The following CHRM3 variants were observed in gnomAD, a reference collection of about 807,000 sequenced individuals.
CHRM3 encodes the protein muscarinic acetylcholine receptor M3.
In CHRM3, 11 loss-of-function variants were observed where a neutral mutation model predicts 41.8. The ratio of observed to expected loss-of-function variants is 0.26; its 90% CI spans 0.17 to 0.44. The LOEUF (loss-of-function observed/expected upper bound fraction) is 0.44, where lower values mean the gene tolerates loss of function less well. Ranked by LOEUF, CHRM3 falls within the 20% of genes least tolerant of loss-of-function variation. The pLI, the probability that CHRM3 is intolerant of heterozygous loss-of-function variation, is 1.00. For synonymous variants in CHRM3, 297 were observed against 301.4 expected, an observed-to-expected ratio of 0.99 and a Z score of 0.15; for missense variants, 571 against 745.4, an observed-to-expected ratio of 0.77 and a Z score of 2.72.
intron 4 of CHRM3, among the ~76,000 whole-genome samples, chr1:239,637,511 CAA>C (rs1405450447): frequency 7.7e-6 from 1 of 130,426 alleles, no homozygotes. Flanking sequence ...TTCCTTTCAT[CAA>C]AGTCTTTTTT....
At chr1:239,479,422 C>T (rs975363239) in intron 1 of CHRM3, among the ~76,000 whole-genome samples, 1 of 152,140 alleles carries the variant, frequency 6.6e-6, no homozygotes, top group Admixed American at 6.5e-5. Flanking sequence ...AGAAGGACGG[C>T]TAACTTTACA....
intron 5 of CHRM3, among the ~76,000 whole-genome samples, chr1:239,742,025 C>G (rs1664899042): frequency 1.3e-5 from 2 of 152,070 alleles, no homozygotes; most frequent in Non-Finnish European, 1.5e-5. Context: ...TTGTGGTGAC[C>G]AAAGCCTTTT....
chr1:239,595,109 CA>C lies in CHRM3; in HGVS notation c.-312-37112del, dbSNP rs965512387. On this transcript the variant is annotated intron_variant, in intron 3 of 6. Coordinates refer to ENST00000676153, the MANE Select transcript of CHRM3 (RefSeq NM_001375978.1). Reference sequence around the variant, plus strand: ...TGTCTCAAAAAGAAAAACAAACAAACAAACAACAAAACGATTGTGTCTGTAC... The same window carrying C: ...TGTCTCAAAAAGAAAAACAAACAAACAACAACAAAACGATTGTGTCTGTAC... 2.1e-4 allele frequency among the ~76,000 whole-genome samples: 32 copies of C among 152,212 alleles called. No homozygotes were observed. In the South Asian group the frequency reaches 5.0e-3, roughly 24 times the overall value.
At chr1:239,816,509 G>A (rs183523913) in intron 5 of CHRM3, among the ~76,000 whole-genome samples, 2 of 152,178 alleles carry the variant, frequency 1.3e-5, no homozygotes, top group East Asian at 1.9e-4. Flanking sequence ...AAGAGGGAGG[G>A]AATCAATCCC....
chr1:239,907,165 G>T lies in CHRM3; in HGVS notation c.-19-268G>T, dbSNP rs150311240. ...ATTTTGTCTAGTAACAGAATTACAT[G>T]GAATATATTTAGAAATGAGAAAAAT... On this transcript the variant is annotated intron_variant, in intron 6 of 6. Transcript: ENST00000676153. This position sits in a 1 kb window ranked among gnomAD's most constrained non-coding sequence, Gnocchi z 5.4. 2.0e-5 allele frequency among the ~76,000 whole-genome samples: 3 copies of T among 152,220 alleles called. No individual in the cohort carries two copies. The highest frequency in any genetic ancestry group is 7.2e-5 in the African/African-American group (3 of 41,536).
At chr1:239,397,035 C>T (rs1659542902) in intron 1 of CHRM3, among the ~76,000 whole-genome samples, 1 of 152,194 alleles carries the variant, frequency 6.6e-6, no homozygotes, top group Admixed American at 6.5e-5. Flanking sequence ...CTCTGCTCCT[C>T]AGATTGTGCT....
At chr1:239,881,235 ATC>A (rs1553294236) in intron 6 of CHRM3, among the ~76,000 whole-genome samples, 5,490 of 120,102 alleles carry the variant, frequency 0.046, 376 homozygotes, top group African/African-American at 0.15. Flanking sequence ...GTGAGCCGAG[ATC>A]CCGCCCCTGC....
At chr1:239,878,828 A>C (rs1027270957) in intron 6 of CHRM3, among the ~76,000 whole-genome samples, 1 of 152,072 alleles carries the variant, frequency 6.6e-6, no homozygotes, top group Non-Finnish European at 1.5e-5. Context: ...GTGAGGGTAC[A>C]TGCTGGTCAC....
intron 6 of CHRM3, among the ~76,000 whole-genome samples, chr1:239,875,436 A>G (rs1677037008): frequency 6.6e-6 from 1 of 152,368 alleles, no homozygotes; most frequent in South Asian, 2.1e-4. Flanking sequence ...ATGGATATGG[A>G]AATTTGAATT....
At position 239,907,350 on chromosome 1, in the gene CHRM3, T is replaced by C. The variant is rs1680048069; in HGVS notation, c.-19-83T>C. 1 of 1,037,690 alleles carries C rather than the reference T, an allele frequency of 9.6e-7. No individual in the cohort carries two copies. The highest frequency in any genetic ancestry group is 1.4e-6 in the Non-Finnish European group (1 of 706,530). The allele number at this position is 1,037,690 out of a possible 1,614,324, so 64.3% of individuals were successfully genotyped here. A position where few individuals can be genotyped will look rare whatever the true frequency, so the allele number is the denominator to read the frequency against. On this transcript the variant is annotated intron_variant, in intron 6 of 6. Coordinates refer to ENST00000676153, the MANE Select transcript of CHRM3 (RefSeq NM_001375978.1). This position sits in a 1 kb window ranked among gnomAD's most constrained non-coding sequence, Gnocchi z 5.4. ...TCAGCACCCTGTAATAGGCCTTCCA[T>C]GTCTTTTAACGTATGTAATGCAAAG...
intron 1 of CHRM3, among the ~76,000 whole-genome samples, chr1:239,407,137 T>C (rs1321113717): frequency 2.6e-5 from 4 of 152,100 alleles, no homozygotes; most frequent in African/African-American, 4.8e-5. Context: ...TACTATTATA[T>C]CTGTTTGAAA....
chr1:239,884,872 C>A (rs1192254331), intron 6 of CHRM3, among the ~76,000 whole-genome samples: 1 of 152,102 alleles, frequency 6.6e-6, no homozygotes, highest in Non-Finnish European at 1.5e-5. Flanking sequence ...ACAGCGAATT[C>A]TTGTTAAGTG....
intron 6 of CHRM3, among the ~76,000 whole-genome samples, chr1:239,876,178 G>T (rs1677095330): frequency 6.6e-6 from 1 of 152,094 alleles, no homozygotes; most frequent in Non-Finnish European, 1.5e-5. Flanking sequence ...CATTCTATAG[G>T]AATTATTTGA....
chr1:239,740,884 T>C (rs1572148292), intron 5 of CHRM3, among the ~76,000 whole-genome samples: 2 of 152,302 alleles, frequency 1.3e-5, no homozygotes, highest in African/African-American at 4.8e-5. Context: ...TTTATAAACA[T>C]GCACTGAGGT....
At chr1:239,797,781 C>T (rs1669908661) in intron 5 of CHRM3, among the ~76,000 whole-genome samples, 1 of 152,148 alleles carries the variant, frequency 6.6e-6, no homozygotes, top group Non-Finnish European at 1.5e-5. Context: ...TGTGTGGTGG[C>T]TTGCACCTAT....
chr1:239,882,406 T>C (rs1572583217), intron 6 of CHRM3, among the ~76,000 whole-genome samples: 2 of 152,202 alleles, frequency 1.3e-5, no homozygotes, highest in Admixed American at 6.5e-5. Context: ...TCATATTGAG[T>C]CCTTCCCATG....
chr1:239,541,612 G>C (rs1658784527), intron 2 of CHRM3, among the ~76,000 whole-genome samples: 1 of 152,018 alleles, frequency 6.6e-6, no homozygotes, highest in African/African-American at 2.4e-5. Flanking sequence ...CCCAGGCTCA[G>C]GTGATCCTTC....
chr1:239,408,521 C>CAA (rs371319364), intron 1 of CHRM3, among the ~76,000 whole-genome samples: 11,348 of 60,772 alleles, frequency 0.19, 905 homozygotes, highest in Middle Eastern at 0.26. Flanking sequence ...GAGACTCCGT[C>CAA]AAAAAAAAAA....
intron 5 of CHRM3, among the ~76,000 whole-genome samples, chr1:239,814,298 G>A (rs1671391943): frequency 6.6e-6 from 1 of 152,186 alleles, no homozygotes; most frequent in South Asian, 2.1e-4. Context: ...TTTAAGAAGG[G>A]CACTGTGGAG....
Sources: gnomAD v4.1 joint callset for allele counts (sites outside exome capture counted in the v4.1 genomes callset) on GRCh38, gnomAD v4.1.1 for gene constraint, Gnocchi (gnomAD v3.1) non-coding constraint, MANE v1.5 for transcripts, NCBI Gene and HGNC (gene_info 2026-07-23, HGNC 2026-07-21) for gene names.